The following CAPSL variants were observed in gnomAD, a reference collection of about 807,000 sequenced individuals.
CAPSL encodes calcyphosin-like protein.
Under a neutral mutation model 21.3 loss-of-function variants are expected in CAPSL, and 17 were observed. That is an observed-to-expected ratio of 0.80 (90% CI 0.55 to 1.20). CAPSL has a LOEUF of 1.20. Among genes scored for constraint, CAPSL ranks in the 50% most tolerant of loss-of-function variants. The pLI is 0.00. For missense variants in CAPSL, 289 were observed against 259.3 expected (o/e 1.11, Z -0.79); for synonymous variants, 102 against 89.3 (o/e 1.14, Z -0.80).
chr5:35,919,170 A>AAAAAAAAATAG (rs754098152), intron 2 of CAPSL, among the ~76,000 whole-genome samples: 2 of 121,274 alleles, frequency 1.6e-5, no homozygotes, highest in Non-Finnish European at 3.6e-5. Context: ...TAAAAAAAAA[A>AAAAAAAAATAG]ATATATATAT....
intron 2 of CAPSL, among the ~76,000 whole-genome samples, chr5:35,920,374 G>T (rs888527608): frequency 6.6e-6 from 1 of 152,172 alleles, no homozygotes; most frequent in Non-Finnish European, 1.5e-5. Flanking sequence ...GGCTCTTGAT[G>T]GAGTTTCTTA....
At chr5:35,916,279 C>A (rs984536733) in intron 2 of CAPSL, among the ~76,000 whole-genome samples, 47 of 152,060 alleles carry the variant, frequency 3.1e-4, no homozygotes, top group African/African-American at 1.0e-3. Flanking sequence ...TTGAAAATGG[C>A]CATACTGCCC....
chr5:35,910,166 C>G (rs76988839), intron 3 of CAPSL, 91 bp from the exon 4 acceptor site: 5 of 1,188,846 alleles, frequency 4.2e-6, no homozygotes, highest in East Asian at 4.8e-5. Flanking sequence ...TTCCCCTCAA[C>G]GATGTGAAAT....
chr5:35,913,180 C>A (rs1290948422), intron 2 of CAPSL, among the ~76,000 whole-genome samples: 1 of 152,148 alleles, frequency 6.6e-6, no homozygotes, highest in African/African-American at 2.4e-5. Context: ...AAGAAATGAA[C>A]AACGCCTCCA....
In CAPSL at chr5:35,906,533, G is replaced by T. The variant is rs557796404; in HGVS notation, c.526-1887C>A. 4.1e-4 allele frequency among the ~76,000 whole-genome samples: 62 copies of T among 152,244 alleles called. No homozygotes were observed. The East Asian group carries it at 0.01, about 25-fold the overall frequency. On this transcript the variant is annotated intron_variant, in intron 4 of 4. Coordinates refer to ENST00000651391, the MANE Select transcript of CAPSL (RefSeq NM_001042625.2). ...AACTCAGATGTGCTGGCTGAAGTTA[G>T]GCAACCATCTTGAGATCATGAAGGA...
chr5:35,911,808 G>C (rs1326944055), intron 2 of CAPSL, among the ~76,000 whole-genome samples: 1 of 152,204 alleles, frequency 6.6e-6, no homozygotes, highest in Non-Finnish European at 1.5e-5. Flanking sequence ...CGATGCAGAA[G>C]ACAGGTGATT....
At chr5:35,933,026 T>G (rs1161265095) in intron 1 of CAPSL, among the ~76,000 whole-genome samples, 1 of 152,226 alleles carries the variant, frequency 6.6e-6, no homozygotes, top group East Asian at 1.9e-4. Context: ...CGTGTATTTC[T>G]ATATGGTCTG....
chr5:35,930,916 C>T (rs568080558), intron 1 of CAPSL, among the ~76,000 whole-genome samples: 2 of 152,232 alleles, frequency 1.3e-5, no homozygotes, highest in South Asian at 4.1e-4. Flanking sequence ...TCTCTTTTGC[C>T]TTCCTTGTGC....
At chr5:35,906,380 A>G (rs1760680324) in intron 4 of CAPSL, among the ~76,000 whole-genome samples, 1 of 152,084 alleles carries the variant, frequency 6.6e-6, no homozygotes, top group Non-Finnish European at 1.5e-5. Context: ...ATGGCCAAGT[A>G]ATAGAGTTCT....
chr5:35,909,053 C>G (rs539057804), intron 4 of CAPSL, among the ~76,000 whole-genome samples: 1 of 151,738 alleles, frequency 6.6e-6, no homozygotes, highest in South Asian at 2.1e-4. Context: ...TCACCAAAAC[C>G]CTTAGATCAT....
At chr5:35,920,326 C>T (rs1264071296) in intron 2 of CAPSL, among the ~76,000 whole-genome samples, 2 of 152,206 alleles carry the variant, frequency 1.3e-5, no homozygotes, top group African/African-American at 2.4e-5. Flanking sequence ...TGTTCACCCA[C>T]GGGTCCCTGA....
intron 1 of CAPSL, among the ~76,000 whole-genome samples, chr5:35,923,361 C>T (rs954557450): frequency 1.2e-4 from 18 of 152,136 alleles, no homozygotes; most frequent in African/African-American, 3.6e-4. Flanking sequence ...CAGTGGTGCC[C>T]CCACTAGGTA....
intron 1 of CAPSL, among the ~76,000 whole-genome samples, chr5:35,936,889 C>T (rs1231438733): frequency 6.6e-6 from 1 of 152,180 alleles, no homozygotes; most frequent in East Asian, 1.9e-4. Context: ...CTTGGATGAC[C>T]TACAGACACT....
rs1463535725 is a variant in CAPSL, at chr5:35,938,172, T to C, written c.-1+369A>G. Reference sequence around the variant, plus strand: ...GTGACTTGGAAATGCTGAACCTCCCTGAAGCTCAGTTTTATCAGTGGTCAT... The same window carrying C: ...GTGACTTGGAAATGCTGAACCTCCCCGAAGCTCAGTTTTATCAGTGGTCAT... On this transcript the variant is annotated intron_variant, in intron 1 of 4. Transcript: ENST00000651391. Among the ~76,000 whole-genome samples, 3 of 152,316 alleles carry C rather than the reference T, an allele frequency of 2.0e-5. No homozygotes were observed. In the East Asian group the frequency reaches 5.8e-4, roughly 29 times the overall value.
At position 35,904,569 on chromosome 5, in the gene CAPSL, C is replaced by G. The variant is rs185158721; in HGVS notation, c.603G>C (p.Met201Ile). The change falls in exon 5 of 5, where the codon ATG becomes ATC. Residue 201 changes from methionine to isoleucine, a missense_variant. Transcript: ENST00000651391. Reference protein sequence around the residue: ...SIDTDVYFIIMMRTAWKL With the variant: ...SIDTDVYFIIIMRTAWKL ...CTTAAAGCTTCCAGGCGGTTCTCAT[C>G]ATGATGATGAAGTACACATCAGTGT... The G allele has an allele frequency of 1.2e-5, 20 of 1,613,864 alleles. No homozygotes were observed. In the East Asian group the frequency reaches 3.8e-4, roughly 31 times the overall value.
At chr5:35,919,852 A>C (rs1350120504) in intron 2 of CAPSL, among the ~76,000 whole-genome samples, 1 of 152,164 alleles carries the variant, frequency 6.6e-6, no homozygotes, top group East Asian at 1.9e-4. Flanking sequence ...GTAGAGACGC[A>C]GTGTGCAGTG....
chr5:35,923,280 C>T (rs1645181), intron 1 of CAPSL, among the ~76,000 whole-genome samples: 27,633 of 152,008 alleles, frequency 0.18, 3,319 homozygotes, highest in East Asian at 0.51. Flanking sequence ...AAGTGAGATC[C>T]AGCTCCTGGA....
At chr5:35,935,312 G>A (rs1738916482) in intron 1 of CAPSL, among the ~76,000 whole-genome samples, 1 of 151,028 alleles carries the variant, frequency 6.6e-6, no homozygotes, top group African/African-American at 2.4e-5. Flanking sequence ...ACCAAATCTG[G>A]TCTCCTCTGA....
At chr5:35,917,596 C>A (rs1251288063) in intron 2 of CAPSL, among the ~76,000 whole-genome samples, 9 of 152,192 alleles carry the variant, frequency 5.9e-5, no homozygotes, top group Non-Finnish European at 1.3e-4. Context: ...AACCATCATT[C>A]TCAGCAAACT....
Sources: allele counts gnomAD v4.1 joint callset (sites outside exome capture counted in the v4.1 genomes callset), GRCh38; gene constraint gnomAD v4.1.1; transcripts MANE v1.5; gene names NCBI Gene and HGNC (gene_info 2026-07-23, HGNC 2026-07-21).